The following USP34 variants were observed in gnomAD, a reference collection of about 807,000 sequenced individuals.
USP34 encodes the protein ubiquitin carboxyl-terminal hydrolase 34.
In USP34, 70 loss-of-function variants were observed where a neutral mutation model predicts 460.3. That is an observed-to-expected ratio of 0.15 (90% confidence interval 0.13 to 0.19). USP34 has a LOEUF of 0.19. Among genes scored for constraint, USP34 ranks in the 10% least tolerant of loss-of-function variants. The pLI, the probability that USP34 is intolerant of heterozygous loss-of-function variation, is 1.00. For missense variants in USP34, 3,985 were observed against 4,236.2 expected (o/e 0.94, Z 1.65); for synonymous variants, 1,647 against 1,405.3 (o/e 1.17, Z -3.85).
At chr2:61,440,448 T>C (rs1694931407) in intron 1 of USP34, among the ~76,000 whole-genome samples, 1 of 152,064 alleles carries the variant, frequency 6.6e-6, no homozygotes, top group Admixed American at 6.6e-5. Context: ...AGGAACTTGC[T>C]CTGCTGCAGA....
At chr2:61,297,749 A>ATT (rs113839986) in intron 29 of USP34, among the ~76,000 whole-genome samples, 1 of 149,932 alleles carries the variant, frequency 6.7e-6, no homozygotes, top group African/African-American at 2.4e-5. Context: ...GAAAATCTTT[A>ATT]TTTTTTTTTT....
At chr2:61,356,918 T>C (rs1692125412) in intron 10 of USP34, among the ~76,000 whole-genome samples, 1 of 152,180 alleles carries the variant, frequency 6.6e-6, no homozygotes, top group African/African-American at 2.4e-5. Context: ...TAAACTTTAG[T>C]AATACAAGAT....
intron 23 of USP34, among the ~76,000 whole-genome samples, 171 bp downstream of exon 23, chr2:61,317,483 C>T (rs962109260): frequency 5.3e-5 from 8 of 152,198 alleles, no homozygotes; most frequent in African/African-American, 1.2e-4. Flanking sequence ...GCTGAGATCA[C>T]ACCACTGCAC....
intron 41 of USP34, among the ~76,000 whole-genome samples, chr2:61,270,447 A>T: frequency 6.6e-6 from 1 of 152,056 alleles, no homozygotes; most frequent in Non-Finnish European, 1.5e-5. Context: ...ATTTTATTTT[A>T]TTTATTTTTG....
chr2:61,275,383 A>G (rs566626589), intron 41 of USP34, among the ~76,000 whole-genome samples: 2 of 152,322 alleles, frequency 1.3e-5, no homozygotes, highest in South Asian at 4.1e-4. Context: ...TTGGGAGGCC[A>G]AGACGGGAGG....
chr2:61,251,408 G>A (rs1346216743), intron 48 of USP34, among the ~76,000 whole-genome samples: 1 of 152,116 alleles, frequency 6.6e-6, no homozygotes, highest in East Asian at 1.9e-4. Context: ...AGAAAATATT[G>A]TTTAATTTAA....
intron 18 of USP34, 48 bp downstream of exon 18, chr2:61,339,303 C>G (rs1206475034): frequency 1.9e-6 from 3 of 1,576,856 alleles, no homozygotes; most frequent in Non-Finnish European, 2.6e-6. Context: ...TCCCCCCACA[C>G]CCAAATACTT....
intron 5 of USP34, among the ~76,000 whole-genome samples, chr2:61,386,650 C>G (rs2442031): frequency 0.34 from 51,493 of 151,620 alleles, 9,053 homozygotes; most frequent in Admixed American, 0.4. Context: ...ATTAGCTGGG[C>G]GTGGTGGCAA....
At position 61,187,699 on chromosome 2, in the gene USP34, G is replaced by C. The variant is rs1258541040; in HGVS notation, c.*403C>G. On this transcript the variant is annotated 3_prime_UTR_variant, in exon 80 of 80. Transcript: ENST00000398571. ...CAAGTAAACTTAATTTTGATAATAA[G>C]AACCACAGCGATCGGAGGCAATCTG... The C allele has an allele frequency of 2.1e-6, 1 of 482,462 alleles. No homozygotes were observed. The highest frequency in any genetic ancestry group is 2.1e-5 in the African/African-American group (1 of 47,082). 29.9% of individuals were successfully genotyped at this position (482,462 alleles called of 1,614,324 possible). A position where few individuals can be genotyped will look rare whatever the true frequency, so the allele number is the denominator to read the frequency against.
intron 43 of USP34, among the ~76,000 whole-genome samples, 175 bp from the exon 44 acceptor site, chr2:61,259,951 T>C (rs989165799): frequency 2.6e-5 from 4 of 152,224 alleles, no homozygotes; most frequent in Non-Finnish European, 4.4e-5. Context: ...AAAATTGTAA[T>C]GCTTTGTTAC....
intron 1 of USP34, among the ~76,000 whole-genome samples, chr2:61,439,432 T>C (rs1481649418): frequency 6.6e-6 from 1 of 152,102 alleles, no homozygotes; most frequent in Non-Finnish European, 1.5e-5. Flanking sequence ...CTTGGCACCA[T>C]TCTGTCCGGC....
rs1305041197 is a variant in USP34, at chr2:61,278,075, T to C, written c.5433+90A>G. The C allele has an allele frequency of 4.1e-6, 6 of 1,477,182 alleles. No homozygotes were observed. The East Asian group carries it at 1.2e-4, about 29-fold the overall frequency. 91.5% of individuals were successfully genotyped at this position (1,477,182 alleles called of 1,614,324 possible). On this transcript the variant is annotated intron_variant, in intron 41 of 79. Transcript: ENST00000398571. ...CTGCCCAGTCTCGGGTATGCCTTTATGAGCAGTGTAAAAACGGACTAATAC... is the reference window on the plus strand; with the variant it reads ...CTGCCCAGTCTCGGGTATGCCTTTACGAGCAGTGTAAAAACGGACTAATAC...
chr2:61,295,060 A>T (rs1689983964), intron 31 of USP34, 28 bp from the exon 32 acceptor site: 3 of 1,604,868 alleles, frequency 1.9e-6, no homozygotes, highest in African/African-American at 2.7e-5. Flanking sequence ...AAAGTAAGGC[A>T]GAATGGCGGA....
intron 48 of USP34, among the ~76,000 whole-genome samples, chr2:61,253,786 G>A (rs190881808): frequency 2.6e-5 from 4 of 151,554 alleles, no homozygotes; most frequent in Non-Finnish European, 4.4e-5. Context: ...CCAGGCTGGA[G>A]TGCAGGGGCA....
intron 1 of USP34, among the ~76,000 whole-genome samples, chr2:61,455,210 C>A (rs745679810): frequency 4.6e-5 from 7 of 150,940 alleles, no homozygotes; most frequent in Admixed American, 6.6e-5. Context: ...ACAGAGTCTC[C>A]GTCTGTCACC....
intron 1 of USP34, among the ~76,000 whole-genome samples, chr2:61,429,348 GAGGCA>G (rs1432514603): frequency 2.6e-5 from 4 of 152,164 alleles, no homozygotes; most frequent in African/African-American, 4.8e-5. Flanking sequence ...TTGGGAGGCT[GAGGCA>G]GGAGAATGGC....
chr2:61,278,380 A>C lies in USP34; in HGVS notation c.5312+8T>G. 1 of 1,609,160 alleles carries C rather than the reference A, an allele frequency of 6.2e-7. No homozygotes were observed. ...CAATATAAATGTCAATTTCACATCA[A>C]ATTTTACCTTCGAATACAGTCAGCC... On this transcript the variant is annotated splice_region_variant and intron_variant, in intron 40 of 79. Coordinates refer to ENST00000398571, the MANE Select transcript of USP34 (RefSeq NM_014709.4).
At chr2:61,228,078 G>A (rs967030408) in intron 61 of USP34, among the ~76,000 whole-genome samples, 3 of 152,130 alleles carry the variant, frequency 2.0e-5, no homozygotes, top group African/African-American at 4.8e-5. Flanking sequence ...GAGGATCAAA[G>A]CACAACAAGT....
At chr2:61,344,853 T>A (rs1290106378) in intron 15 of USP34, among the ~76,000 whole-genome samples, 1 of 152,202 alleles carries the variant, frequency 6.6e-6, no homozygotes, top group Non-Finnish European at 1.5e-5. Flanking sequence ...TATCTAGAGA[T>A]ATTTTTGGTT....
Sources: gnomAD v4.1 joint callset for allele counts (sites outside exome capture counted in the v4.1 genomes callset) on GRCh38, gnomAD v4.1.1 for gene constraint, MANE v1.5 for transcripts, NCBI Gene and HGNC (gene_info 2026-07-23, HGNC 2026-07-21) for gene names.